KLF12: variants seen among roughly 807,000 people sequenced by gnomAD.
KLF12 encodes KLF transcription factor 12, also known as Krueppel-like factor 12.
Under a neutral mutation model 37.8 loss-of-function variants are expected in KLF12, and 9 were observed. That is an observed-to-expected ratio of 0.24 (90% CI 0.14 to 0.42). The LOEUF is 0.42. Ranked by LOEUF, KLF12 falls within the 10% of genes least tolerant of loss-of-function variation. The pLI, the probability that KLF12 is intolerant of heterozygous loss-of-function variation, is 1.00. For synonymous variants in KLF12, 208 were observed against 202.1 expected, an observed-to-expected ratio of 1.03 and a Z score of -0.25; for missense variants, 411 against 516.0, an observed-to-expected ratio of 0.80 and a Z score of 1.97.
At position 73,806,967 on chromosome 13, in the gene KLF12, A is replaced by C. The variant is rs192325521; in HGVS notation, c.806+6185T>G. ...CAAGAAAAATAAATAACAAAAAAAAACCCTTAGATTCTAACTTTCTTTGAC... is the reference window on the plus strand; with the variant it reads ...CAAGAAAAATAAATAACAAAAAAAACCCCTTAGATTCTAACTTTCTTTGAC... On this transcript the variant is annotated intron_variant, in intron 5 of 7. Transcript: ENST00000377669. Among the ~76,000 whole-genome samples, 217 of 152,236 alleles carry C rather than the reference A, an allele frequency of 1.4e-3. 1 individual carries two copies. Among genetic ancestry groups the C allele is most frequent in the African/African-American group, 4.4e-3 (182 of 41,528 alleles).
intron 1 of KLF12, among the ~76,000 whole-genome samples, chr13:74,021,642 T>C (rs1218519587): frequency 6.6e-6 from 1 of 152,176 alleles, no homozygotes; most frequent in Non-Finnish European, 1.5e-5. Flanking sequence ...TCTGTGTATT[T>C]ACATCAAGGA....
chr13:74,199,359 T>G, the KLF12 span, among the ~76,000 whole-genome samples: 1 of 152,210 alleles, frequency 6.6e-6, no homozygotes, highest in Non-Finnish European at 1.5e-5. Context: ...CCCAGAAGTG[T>G]GGTAGCTTGA....
intron 2 of KLF12, among the ~76,000 whole-genome samples, chr13:73,952,442 C>T (rs1324578407): frequency 6.6e-6 from 1 of 152,154 alleles, no homozygotes; most frequent in Non-Finnish European, 1.5e-5. Context: ...CACAAGACAG[C>T]AGTAGGGCAG....
At chr13:74,269,451 G>A in the KLF12 span, among the ~76,000 whole-genome samples, 27 of 152,218 alleles carry the variant, frequency 1.8e-4, no homozygotes, top group African/African-American at 6.3e-4. Context: ...ATGTGTGATG[G>A]AGGCAAAATT....
intron 5 of KLF12, among the ~76,000 whole-genome samples, chr13:73,781,328 C>T (rs1304064007): frequency 6.6e-6 from 1 of 152,200 alleles, no homozygotes; most frequent in African/African-American, 2.4e-5. Context: ...CACTTTATTG[C>T]AACGTTTACT....
intron 4 of KLF12, among the ~76,000 whole-genome samples, chr13:73,817,323 A>AAAAAAG (rs143767269): frequency 0.19 from 27,388 of 146,612 alleles, 2,991 homozygotes; most frequent in East Asian, 0.47. Context: ...TGTTTCAAAA[A>AAAAAAG]AAAAAGAAAA....
chr13:74,110,045 T>C (rs1197376621), intron 1 of KLF12, among the ~76,000 whole-genome samples: 1 of 152,208 alleles, frequency 6.6e-6, no homozygotes, highest in Non-Finnish European at 1.5e-5. Context: ...TAGCCAATGC[T>C]TACAAGATTT....
At chr13:73,926,232 T>G (rs1234475015) in intron 3 of KLF12, among the ~76,000 whole-genome samples, 1 of 152,118 alleles carries the variant, frequency 6.6e-6, no homozygotes, top group East Asian at 1.9e-4. Context: ...TGCAGTAAAC[T>G]TCATTGTTTC....
At chr13:73,985,421 CAT>C (rs1416085867) in intron 2 of KLF12, among the ~76,000 whole-genome samples, 4 of 152,176 alleles carry the variant, frequency 2.6e-5, no homozygotes, top group Non-Finnish European at 5.9e-5. Flanking sequence ...TTTGAGTGCA[CAT>C]GATTGAAAAC....
the KLF12 span, among the ~76,000 whole-genome samples, chr13:74,173,127 C>T: frequency 1.3e-5 from 2 of 152,160 alleles, no homozygotes; most frequent in Admixed American, 6.5e-5. Flanking sequence ...CCCTAAGCTT[C>T]CCTCACTCCC....
chr13:73,854,220 T>A (rs1885485600), intron 3 of KLF12, among the ~76,000 whole-genome samples: 1 of 152,232 alleles, frequency 6.6e-6, no homozygotes, highest in South Asian at 2.1e-4. Flanking sequence ...TATAGACTTT[T>A]AGGGGATAAA....
chr13:73,929,592 A>T (rs772041193), intron 3 of KLF12, among the ~76,000 whole-genome samples: 3 of 152,210 alleles, frequency 2.0e-5, no homozygotes, highest in Non-Finnish European at 2.9e-5. Context: ...ACTTTTTCAA[A>T]TATCAGCTCA....
chr13:74,088,466 G>A (rs765033280), intron 1 of KLF12, among the ~76,000 whole-genome samples: 4 of 151,972 alleles, frequency 2.6e-5, no homozygotes, highest in Admixed American at 2.6e-4. Context: ...GATCTTAAGC[G>A]ATCCGCCCAC....
chr13:74,229,518 T>C, the KLF12 span, among the ~76,000 whole-genome samples: 1 of 152,210 alleles, frequency 6.6e-6, no homozygotes, highest in African/African-American at 2.4e-5. Flanking sequence ...TAACAACAGT[T>C]TTTATTCCTG....
rs1402999386 is a variant in KLF12 at position 73,823,123 on chromosome 13, C to T, written c.671-9836G>A. Among the ~76,000 whole-genome samples, 5 of 152,212 alleles carry T rather than the reference C, an allele frequency of 3.3e-5. No homozygotes were observed. The Middle Eastern group carries it at 0.01, about 313-fold the overall frequency. On this transcript the variant is annotated intron_variant, in intron 4 of 7. Coordinates refer to ENST00000377669, the MANE Select transcript of KLF12 (RefSeq NM_007249.5). ...CATTTTATTCACTTTTCTTATTTCCCTTAGTTGGTCTGTTGCCCCTATCTG... is the reference window on the plus strand; with the variant it reads ...CATTTTATTCACTTTTCTTATTTCCTTTAGTTGGTCTGTTGCCCCTATCTG...
chr13:73,864,668 G>C (rs567396573), intron 3 of KLF12, among the ~76,000 whole-genome samples: 3 of 152,200 alleles, frequency 2.0e-5, no homozygotes, highest in African/African-American at 2.4e-5. Flanking sequence ...TCAAAAGTTA[G>C]TCTAACTGCC....
At chr13:73,779,317 T>C (rs1367531478) in intron 5 of KLF12, among the ~76,000 whole-genome samples, 8 of 152,068 alleles carry the variant, frequency 5.3e-5, no homozygotes, top group Non-Finnish European at 1.2e-4. Context: ...CTCCAACTTC[T>C]AGAAAGGGGA....
rs1432785581 is a variant in KLF12, at chr13:74,033,211, T to C, written c.-31-38158A>G. ...AAAGTACAGGCTAAAACTCTCAGACTCTGCAAAAAGTATAAATAAGAAAGT... is the reference window on the plus strand; with the variant it reads ...AAAGTACAGGCTAAAACTCTCAGACCCTGCAAAAAGTATAAATAAGAAAGT... On this transcript the variant is annotated intron_variant, in intron 1 of 7. Transcript: ENST00000377669. Among the ~76,000 whole-genome samples the C allele has an allele frequency of 2.0e-5, 3 of 152,172 alleles. No individual in the cohort carries two copies. In the East Asian group the frequency reaches 5.8e-4, roughly 29 times the overall value.
chr13:73,773,726 C>G lies in KLF12; in HGVS notation c.807-8726G>C, dbSNP rs2138137727. ...GCTTTCCATTGCTTTTGAAGTTGAC[C>G]CAAATCTCAACACGGCCCGAATGCC... is the stretch of plus-strand genomic sequence containing the variant. On this transcript the variant is annotated intron_variant, in intron 5 of 7. Coordinates refer to ENST00000377669, the MANE Select transcript of KLF12 (RefSeq NM_007249.5). 1.3e-5 allele frequency among the ~76,000 whole-genome samples: 2 copies of G among 152,194 alleles called. 1 individual carries two copies. Among genetic ancestry groups the G allele is most frequent in the Non-Finnish European group, 2.9e-5 (2 of 68,008 alleles).
Sources: allele counts gnomAD v4.1 joint callset (sites outside exome capture counted in the v4.1 genomes callset), GRCh38; gene constraint gnomAD v4.1.1; transcripts MANE v1.5; gene names NCBI Gene and HGNC (gene_info 2026-07-23, HGNC 2026-07-21).